Variants in THSD7B observed in about 807,000 individuals in gnomAD.
THSD7B encodes thrombospondin type-1 domain-containing protein 7B.
A neutral mutation model predicts 213.6 loss-of-function variants in THSD7B; 138 were observed. The observed-to-expected ratio is 0.65, with a 90% confidence interval of 0.56 to 0.74. The LOEUF (loss-of-function observed/expected upper bound fraction) is 0.74, where lower values mean the gene tolerates loss of function less well. Ranked by LOEUF, THSD7B falls within the 30% of genes least tolerant of loss-of-function variation. THSD7B has a pLI of 0.00. For missense variants in THSD7B, 1,931 were observed against 1,991.5 expected, an observed-to-expected ratio of 0.97 and a Z score of 0.58; for synonymous variants, 742 against 687.0, an observed-to-expected ratio of 1.08 and a Z score of -1.25.
chr2:136,798,064 A>G, intron 1 of THSD7B, among the ~76,000 whole-genome samples: 1 of 151,716 alleles, frequency 6.6e-6, no homozygotes, highest in East Asian at 1.9e-4. Context: ...ACCATTTCCT[A>G]CTTGGATGAG....
At chr2:137,640,957 C>A (rs1316331120) in intron 20 of THSD7B, among the ~76,000 whole-genome samples, 2 of 152,158 alleles carry the variant, frequency 1.3e-5, no homozygotes, top group Non-Finnish European at 2.9e-5. Context: ...AGTTAGTTTA[C>A]CACCAAATCT....
At chr2:136,834,276 T>G (rs1028427329) in intron 1 of THSD7B, among the ~76,000 whole-genome samples, 6 of 152,204 alleles carry the variant, frequency 3.9e-5, no homozygotes, top group African/African-American at 1.2e-4. Flanking sequence ...TCTTGCACAG[T>G]CTTTCTGCCA....
At chr2:137,083,647 A>T (rs2104906940) in intron 3 of THSD7B, among the ~76,000 whole-genome samples, 1 of 152,244 alleles carries the variant, frequency 6.6e-6, no homozygotes, top group African/African-American at 2.4e-5. Flanking sequence ...GATTTCCCAG[A>T]TAGATTCTCT....
chr2:137,038,830 T>G (rs1230084518), intron 2 of THSD7B, among the ~76,000 whole-genome samples: 1 of 152,188 alleles, frequency 6.6e-6, no homozygotes, highest in African/African-American at 2.4e-5. Flanking sequence ...CCAGTTTGCT[T>G]TTCTGTAGGA....
chr2:136,991,724 G>T (rs962875043), intron 2 of THSD7B, among the ~76,000 whole-genome samples: 1 of 152,142 alleles, frequency 6.6e-6, no homozygotes, highest in African/African-American at 2.4e-5. Flanking sequence ...CTTATTGTTT[G>T]CATTCTGTCC....
rs193015588 is a variant in THSD7B, at chr2:137,094,969, C to A, written c.1047C>A (p.Ser349=). The A allele has an allele frequency of 3.7e-4, 602 of 1,613,826 alleles. 3 individuals are homozygous for A. The African/African-American group carries it at 7.1e-3, about 19-fold the overall frequency. The change falls in exon 4 of 28, where the codon TCC becomes TCA. Residue 349 remains serine, a synonymous_variant. Coordinates refer to ENST00000409968, the MANE Select transcript of THSD7B (RefSeq NM_001316349.2). ...AGTGGTCCTCCTGGAGCCCCTGCTC[C>A]AAGACATGCCGTTCAGGGAGTCTCT... ...TSQWSSWSPC[S]KTCRSGSLLP...
intron 17 of THSD7B, among the ~76,000 whole-genome samples, chr2:137,575,445 C>A (rs1011063998): frequency 2.6e-5 from 4 of 151,912 alleles, no homozygotes; most frequent in Admixed American, 6.6e-5. Context: ...TGACTTATAT[C>A]TAATTTAATA....
At chr2:137,557,296 A>C (rs1484632792) in intron 15 of THSD7B, among the ~76,000 whole-genome samples, 1 of 152,196 alleles carries the variant, frequency 6.6e-6, no homozygotes, top group South Asian at 2.1e-4. Context: ...TTGAAAGTGA[A>C]GCACTCCTCA....
chr2:137,090,556 T>C (rs1687932059), intron 3 of THSD7B, among the ~76,000 whole-genome samples: 1 of 152,148 alleles, frequency 6.6e-6, no homozygotes, highest in South Asian at 2.1e-4. Flanking sequence ...CTAGCGTAAT[T>C]TTTGTTTCAA....
chr2:137,429,623 A>G (rs904068390), intron 14 of THSD7B, among the ~76,000 whole-genome samples: 3 of 152,232 alleles, frequency 2.0e-5, no homozygotes, highest in African/African-American at 4.8e-5. Flanking sequence ...CTGGTTAGAC[A>G]TTGGGAAATT....
intron 12 of THSD7B, among the ~76,000 whole-genome samples, chr2:137,289,738 T>C (rs1683277770): frequency 6.6e-6 from 1 of 151,888 alleles, no homozygotes; most frequent in Admixed American, 6.6e-5. Flanking sequence ...ATAAGTAGCT[T>C]TAAAACTCAG....
At chr2:137,398,148 A>G (rs1686243210) in intron 12 of THSD7B, among the ~76,000 whole-genome samples, 1 of 149,518 alleles carries the variant, frequency 6.7e-6, no homozygotes. Context: ...TGATCGTCTG[A>G]AGCCTTCTCT....
At position 137,253,888 on chromosome 2, in the gene THSD7B, A is replaced by G. The variant is rs557960336; in HGVS notation, c.2266+11316A>G. 3.3e-5 allele frequency among the ~76,000 whole-genome samples: 5 copies of G among 152,268 alleles called. No homozygotes were observed. The East Asian group carries it at 9.6e-4, about 29-fold the overall frequency. On this transcript the variant is annotated intron_variant, in intron 10 of 27. Coordinates refer to ENST00000409968, the MANE Select transcript of THSD7B (RefSeq NM_001316349.2). ...TTGACTCACTGGGTTAGCTAATGTG[A>G]TGGTAGATTTATAAAGTGTTTAATT...
intron 2 of THSD7B, among the ~76,000 whole-genome samples, chr2:136,927,742 C>T (rs909516958): frequency 6.6e-6 from 1 of 152,158 alleles, no homozygotes; most frequent in African/African-American, 2.4e-5. Context: ...TGATGACAGA[C>T]ATTGATAGGG....
chr2:137,472,829 G>A (rs940947529), intron 15 of THSD7B, among the ~76,000 whole-genome samples: 3 of 152,034 alleles, frequency 2.0e-5, no homozygotes, highest in Non-Finnish European at 2.9e-5. Context: ...TGAGATCTTA[G>A]GCATTTTGAA....
intron 3 of THSD7B, among the ~76,000 whole-genome samples, chr2:137,063,643 GT>G (rs1162694711): frequency 4.8e-5 from 7 of 144,960 alleles, no homozygotes; most frequent in African/African-American, 1.9e-4. Flanking sequence ...CTGTTACTGT[GT>G]GCCCATTAAT....
intron 2 of THSD7B, among the ~76,000 whole-genome samples, chr2:136,982,301 C>A (rs1685589754): frequency 1.5e-5 from 1 of 67,318 alleles, no homozygotes; most frequent in Admixed American, 2.2e-4. Context: ...ACATTTGGTG[C>A]TATGTGAGCA....
chr2:137,496,598 C>G (rs932586187), intron 15 of THSD7B, among the ~76,000 whole-genome samples: 2 of 152,146 alleles, frequency 1.3e-5, no homozygotes, highest in Admixed American at 1.3e-4. Flanking sequence ...AATAATTTCT[C>G]TCCTTCAACT....
chr2:137,661,654 A>C (rs903247304), intron 25 of THSD7B, among the ~76,000 whole-genome samples: 2 of 152,136 alleles, frequency 1.3e-5, no homozygotes, highest in African/African-American at 4.8e-5. Context: ...AGTTTATTAA[A>C]AAGTTTCAGA....
Sources: allele counts gnomAD v4.1 joint callset (sites outside exome capture counted in the v4.1 genomes callset), GRCh38; gene constraint gnomAD v4.1.1; transcripts MANE v1.5; gene names NCBI Gene and HGNC (gene_info 2026-07-23, HGNC 2026-07-21).